DNAJC1: variants seen among roughly 807,000 people sequenced by gnomAD.
DNAJC1 encodes the protein dnaJ homolog subfamily C member 1.
A neutral mutation model predicts 76.6 loss-of-function variants in DNAJC1; 58 were observed. That is an observed-to-expected ratio of 0.76 (90% CI 0.61 to 0.94). The LOEUF (loss-of-function observed/expected upper bound fraction) is 0.94, where lower values mean the gene tolerates loss of function less well. Ranked by LOEUF, DNAJC1 falls within the 40% of genes least tolerant of loss-of-function variation. DNAJC1 has a pLI of 0.00. For synonymous variants in DNAJC1, 258 were observed against 267.9 expected (o/e 0.96, Z 0.36); for missense variants, 689 against 677.3 (o/e 1.02, Z -0.19).
chr10:21,886,994 A>C (rs1466888486), intron 7 of DNAJC1, among the ~76,000 whole-genome samples: 1 of 152,154 alleles, frequency 6.6e-6, no homozygotes, highest in Non-Finnish European at 1.5e-5. Flanking sequence ...AGAAAACCCC[A>C]TAGTTTCGGC....
intron 9 of DNAJC1, among the ~76,000 whole-genome samples, chr10:21,772,664 C>T (rs1834401249): frequency 1.3e-5 from 2 of 151,594 alleles, no homozygotes; most frequent in African/African-American, 4.9e-5. Context: ...TGTTAATTTT[C>T]TTGATATTTT....
chr10:21,837,114 T>G (rs1253691497), intron 8 of DNAJC1, among the ~76,000 whole-genome samples: 1 of 152,234 alleles, frequency 6.6e-6, no homozygotes, highest in African/African-American at 2.4e-5. Context: ...GGTTTCGCTG[T>G]GTTGGCCAGG....
At chr10:21,931,084 C>T (rs1368528476) in intron 1 of DNAJC1, among the ~76,000 whole-genome samples, 2 of 152,188 alleles carry the variant, frequency 1.3e-5, no homozygotes, top group Non-Finnish European at 2.9e-5. Context: ...ATATGTACCC[C>T]AAATGTAAAT....
intron 1 of DNAJC1, among the ~76,000 whole-genome samples, chr10:21,962,890 T>C (rs1337826161): frequency 1.1e-4 from 17 of 152,180 alleles, no homozygotes; most frequent in Admixed American, 1.1e-3. Flanking sequence ...ATTTCTAATG[T>C]AATTTTCTCT....
intron 1 of DNAJC1, among the ~76,000 whole-genome samples, chr10:22,000,373 C>T (rs995844374): frequency 6.6e-6 from 1 of 152,196 alleles, no homozygotes; most frequent in East Asian, 1.9e-4. Context: ...CCCCAACTTA[C>T]TTATAAGTAA....
chr10:21,831,585 T>C (rs1443085566), intron 8 of DNAJC1, among the ~76,000 whole-genome samples: 2 of 152,016 alleles, frequency 1.3e-5, no homozygotes, highest in Non-Finnish European at 2.9e-5. Context: ...GGTCAGGAGA[T>C]AGAGACCATC....
chr10:21,862,469 C>T (rs1835931227), intron 8 of DNAJC1, among the ~76,000 whole-genome samples: 1 of 148,590 alleles, frequency 6.7e-6, no homozygotes, highest in Admixed American at 6.7e-5. Flanking sequence ...CACTTTGTCA[C>T]CCAGGCTGGA....
At chr10:21,859,495 T>C (rs1835889258) in intron 8 of DNAJC1, among the ~76,000 whole-genome samples, 1 of 152,190 alleles carries the variant, frequency 6.6e-6, no homozygotes, top group Non-Finnish European at 1.5e-5. Context: ...TTCCCCTATT[T>C]GATATGAAAT....
chr10:21,812,325 G>C (rs1347775291), intron 8 of DNAJC1, among the ~76,000 whole-genome samples: 1 of 152,100 alleles, frequency 6.6e-6, no homozygotes, highest in Non-Finnish European at 1.5e-5. Context: ...CCAAAGTGCT[G>C]GGATTACAGG....
At chr10:21,910,269 C>T (rs980670370) in intron 6 of DNAJC1, among the ~76,000 whole-genome samples, 2 of 152,020 alleles carry the variant, frequency 1.3e-5, no homozygotes, top group African/African-American at 4.8e-5. Context: ...GTGCCTGCCA[C>T]CACACTCGGC....
Position 21,995,429 on chromosome 10 carries a change from A to C in DNAJC1, c.222+7784T>G, listed in dbSNP as rs1838400589. The stretch of plus-strand genomic sequence containing the variant: ...TATAACCAGGAGTTGTATGTATTCC[A>C]GAATGTGTTTAACCAAGGAAATTAC... On this transcript the variant is annotated intron_variant, in intron 1 of 11. Transcript: ENST00000376980. 2.6e-5 allele frequency among the ~76,000 whole-genome samples: 4 copies of C among 152,342 alleles called. No individual in the cohort carries two copies. The South Asian group carries it at 8.3e-4, about 32-fold the overall frequency.
intron 9 of DNAJC1, among the ~76,000 whole-genome samples, chr10:21,775,331 C>CTTTTTTTTTTTTTTTTTT (rs34444920): frequency 2.0e-5 from 1 of 49,668 alleles, no homozygotes; most frequent in Non-Finnish European, 3.8e-5. Flanking sequence ...CTGCAAATGG[C>CTTTTTTTTTTTTTTTTTT]TTTTTTTTTT....
At chr10:21,878,414 TAC>T (rs1836221878) in intron 8 of DNAJC1, among the ~76,000 whole-genome samples, 1 of 152,236 alleles carries the variant, frequency 6.6e-6, no homozygotes, top group Non-Finnish European at 1.5e-5. Context: ...CAGTTGATTT[TAC>T]ACAGTTATGA....
chr10:21,777,756 T>G (rs1014050431), intron 9 of DNAJC1, among the ~76,000 whole-genome samples: 4 of 152,250 alleles, frequency 2.6e-5, no homozygotes, highest in East Asian at 1.9e-4. Context: ...AACTAGTTTT[T>G]GGGCCTACTT....
intron 5 of DNAJC1, 106 bp from the exon 6 acceptor site, chr10:21,918,978 GCTACTTC>G: frequency 1.4e-6 from 1 of 730,534 alleles, no homozygotes; most frequent in Non-Finnish European, 2.3e-6. Flanking sequence ...TTTGTGAATG[GCTACTTC>G]AACAAAAAAA....
chr10:21,759,153 C>T lies in DNAJC1; in HGVS notation c.1596+17G>A, dbSNP rs777590342. On this transcript the variant is annotated intron_variant, in intron 11 of 11. Coordinates refer to ENST00000376980, the MANE Select transcript of DNAJC1 (RefSeq NM_022365.4). ...GATTCTAACACCTGTGCAGAGGCCT[C>T]TTTCCCCATCACTCACCTTGCTCTT... The T allele has an allele frequency of 4.4e-6, 7 of 1,605,414 alleles. No homozygotes were observed. The highest frequency in any genetic ancestry group is 6.0e-6 in the Non-Finnish European group (7 of 1,175,534).
chr10:21,890,021 C>T (rs922100202), intron 7 of DNAJC1, among the ~76,000 whole-genome samples: 24 of 152,278 alleles, frequency 1.6e-4, no homozygotes, highest in Admixed American at 9.1e-4. Context: ...CCTTCTCCTG[C>T]TAATAAAGTC....
chr10:21,898,573 A>T (rs1486758546), intron 7 of DNAJC1, among the ~76,000 whole-genome samples: 3 of 148,140 alleles, frequency 2.0e-5, no homozygotes, highest in African/African-American at 5.0e-5. Flanking sequence ...TTTTTTCCAG[A>T]CAGAGTCTTG....
At chr10:21,858,854 G>A (rs1473552426) in intron 8 of DNAJC1, among the ~76,000 whole-genome samples, 3 of 151,906 alleles carry the variant, frequency 2.0e-5, no homozygotes, top group African/African-American at 7.3e-5. Context: ...ATTTGTTTTG[G>A]CTTACCTGAT....
Sources: allele counts gnomAD v4.1 joint callset (sites outside exome capture counted in the v4.1 genomes callset), GRCh38; gene constraint gnomAD v4.1.1; transcripts MANE v1.5; gene names NCBI Gene and HGNC (gene_info 2026-07-23, HGNC 2026-07-21).